The following DHX15 variants were observed in gnomAD, a reference collection of about 807,000 sequenced individuals.
The protein encoded by DHX15 is ATP-dependent RNA helicase DHX15.
A neutral mutation model predicts 94.4 loss-of-function variants in DHX15; 11 were observed. The observed-to-expected ratio is 0.12, with a 90% CI of 0.07 to 0.19. The LOEUF (loss-of-function observed/expected upper bound fraction) is 0.19, where lower values mean the gene tolerates loss of function less well. DHX15 is among the 10% of genes least tolerant of loss of function. DHX15 has a pLI of 1.00. For missense variants in DHX15, 304 were observed against 988.5 expected, an observed-to-expected ratio of 0.31 and a Z score of 9.29; for synonymous variants, 338 against 329.9, an observed-to-expected ratio of 1.02 and a Z score of -0.27.
chr4:24,564,065 TCAAA>T (rs1560772275), intron 3 of DHX15, among the ~76,000 whole-genome samples: 1 of 22,458 alleles, frequency 4.5e-5, no homozygotes. Flanking sequence ...AGACTCCGTC[TCAAA>T]AAAAAAAAAA....
At chr4:24,538,871 T>C (rs1366452339) in intron 10 of DHX15, 1 of 152,104 alleles carries the variant, frequency 6.6e-6, no homozygotes, top group African/African-American at 2.4e-5. Context: ...TAAGAGAACC[T>C]AGAGAAATAA....
At chr4:24,531,949 G>A (rs182162121) in intron 12 of DHX15, among the ~76,000 whole-genome samples, 166 of 152,258 alleles carry the variant, frequency 1.1e-3, no homozygotes, top group African/African-American at 3.9e-3. Flanking sequence ...GAAACTGAGT[G>A]TCCTCAGGCT....
intron 3 of DHX15, chr4:24,563,212 GT>G (rs1721920562): frequency 6.6e-6 from 1 of 151,974 alleles, no homozygotes; most frequent in Non-Finnish European, 1.5e-5. Context: ...GCCTTGCTAT[GT>G]TGCCCAGGCT....
chr4:24,541,535 C>T (rs1402437462), intron 8 of DHX15, among the ~76,000 whole-genome samples: 1 of 151,964 alleles, frequency 6.6e-6, no homozygotes, highest in African/African-American at 2.4e-5. Context: ...AAAGTTGAAA[C>T]CTAGTAACAA....
intron 2 of DHX15, among the ~76,000 whole-genome samples, chr4:24,573,410 G>A (rs571594899): frequency 1.2e-4 from 18 of 152,146 alleles, no homozygotes; most frequent in African/African-American, 4.3e-4. Context: ...TAGAGCTAAC[G>A]GTCATTTCCA....
At chr4:24,533,633 T>G (rs1399300517) in intron 11 of DHX15, 2 of 153,988 alleles carry the variant, frequency 1.3e-5, no homozygotes, top group Non-Finnish European at 2.9e-5. Context: ...GTCTAAGCAC[T>G]TCAAGTAATT....
chr4:24,549,049 C>T (rs1721528145), intron 5 of DHX15, 27 bp from the exon 6 acceptor site: 5 of 1,582,228 alleles, frequency 3.2e-6, no homozygotes, highest in Non-Finnish European at 1.7e-6. Flanking sequence ...AGTCTAAAAA[C>T]GAATACTGAA....
Position 24,527,932 on chromosome 4 carries a change from G to C in DHX15, c.2380C>G (p.Gln794Glu), listed in dbSNP as rs767818074. ...IAKLQSKEYSQY is the reference protein window; with the variant it reads ...IAKLQSKEYSEY ...AGTTCTAAGCACTGAATTCAGTACT[G>C]TGAATATTCCTTGGATTGAAGTTTG... Residue 794 changes from glutamine (Q) to glutamate (E), a missense_variant, in exon 14 of 14, where the codon CAG becomes GAG. This residue lies in a region of DHX15 where 14 missense variants were observed against 17.3 expected (regional missense o/e 0.81). Transcript: ENST00000336812. The C allele has an allele frequency of 1.2e-5, 19 of 1,609,212 alleles. No homozygotes were observed. Among genetic ancestry groups the C allele is most frequent in the Non-Finnish European group, 1.6e-5 (19 of 1,175,724 alleles).
intron 1 of DHX15, among the ~76,000 whole-genome samples, chr4:24,579,242 A>G (rs550359961): frequency 6.6e-6 from 1 of 152,350 alleles, no homozygotes; most frequent in African/African-American, 2.4e-5. Flanking sequence ...GTAAGAAAAC[A>G]GGGAGGATGC....
At chr4:24,565,860 A>G (rs1721980806) in intron 3 of DHX15, among the ~76,000 whole-genome samples, 1 of 152,156 alleles carries the variant, frequency 6.6e-6, no homozygotes, top group African/African-American at 2.4e-5. Flanking sequence ...TGATCTCAGA[A>G]CAACCCTATC....
rs150434662 is a variant in DHX15 at position 24,527,967 on chromosome 4, C to T, written c.2345G>A (p.Arg782His). The T allele has an allele frequency of 1.9e-6, 3 of 1,613,800 alleles. No homozygotes were observed. Among genetic ancestry groups the T allele is most frequent in the Non-Finnish European group, 8.5e-7 (1 of 1,179,776 alleles). Residue 782 changes from arginine (R) to histidine (H), a missense_variant, in exon 14 of 14, where the codon CGC becomes CAC. By Grantham distance (29) the Arg-to-His change is conservative (BLOSUM62 0). This residue lies in a region of DHX15 where 14 missense variants were observed against 17.3 expected (regional missense o/e 0.81). Coordinates refer to ENST00000336812, the MANE Select transcript of DHX15 (RefSeq NM_001358.3). ...PQCEAKRQLDRIIAKLQSKEY... is the reference protein window; with the variant it reads ...PQCEAKRQLDHIIAKLQSKEY... ...CTTGGATTGAAGTTTGGCAATGATGCGGTCCAACTGTCTCTTTGCTTCACA... is the reference window on the plus strand; with the variant it reads ...CTTGGATTGAAGTTTGGCAATGATGTGGTCCAACTGTCTCTTTGCTTCACA...
chr4:24,570,033 T>G (rs994765561), intron 3 of DHX15, among the ~76,000 whole-genome samples: 16 of 152,230 alleles, frequency 1.1e-4, no homozygotes, highest in African/African-American at 3.6e-4. Flanking sequence ...CATCATCAGG[T>G]AGCATACATC....
chr4:24,550,110 A>AAAAAAAAC (rs1721558327), intron 5 of DHX15, among the ~76,000 whole-genome samples: 1 of 147,112 alleles, frequency 6.8e-6, no homozygotes, highest in African/African-American at 2.5e-5. Context: ...AAAAAAAAAA[A>AAAAAAAAC]AAAAAAAAAA....
intron 5 of DHX15, among the ~76,000 whole-genome samples, chr4:24,550,118 A>AAAAAAAAAAAAAAAAAG (rs1560766877): frequency 6.9e-6 from 1 of 145,190 alleles, no homozygotes; most frequent in Non-Finnish European, 1.5e-5. Context: ...AAAAAAAAAA[A>AAAAAAAAAAAAAAAAAG]AAAAACGGTA....
intron 3 of DHX15, among the ~76,000 whole-genome samples, chr4:24,569,709 C>A (rs751280447): frequency 6.6e-6 from 1 of 151,522 alleles, no homozygotes; most frequent in Non-Finnish European, 1.5e-5. Context: ...GCCTACACAA[C>A]GCTCCAAAAT....
At chr4:24,546,591 A>G (rs1318588572) in intron 6 of DHX15, among the ~76,000 whole-genome samples, 1 of 152,252 alleles carries the variant, frequency 6.6e-6, no homozygotes, top group Admixed American at 6.5e-5. Flanking sequence ...TTACCCTCAT[A>G]TAAATATATG....
chr4:24,549,346 C>T (rs762864298), intron 5 of DHX15, among the ~76,000 whole-genome samples: 2 of 152,140 alleles, frequency 1.3e-5, no homozygotes, highest in Non-Finnish European at 2.9e-5. Flanking sequence ...TATTTAAATG[C>T]ACTCACGACC....
Position 24,576,399 on chromosome 4 carries a change from C to T in DHX15, c.351G>A (p.Pro117=), listed in dbSNP as rs759721097. Residue 117 remains proline, a synonymous_variant, in exon 2 of 14, where the codon CCG becomes CCA. Coordinates refer to ENST00000336812, the MANE Select transcript of DHX15 (RefSeq NM_001358.3). ...GAGGAGTATGGGGTAAGTTGGTGAA[C>T]GGATTAATGCACTGTGGAAGTGACG... The part of the protein sequence containing the change: ...GHTSLPQCIN[P]FTNLPHTPRY... 5.6e-5 allele frequency: 90 copies of T among 1,614,092 alleles called. No homozygotes were observed. In the South Asian group the frequency reaches 7.1e-4, roughly 13 times the overall value.
rs940061058 is a variant in DHX15 at position 24,533,070 on chromosome 4, G to A, written c.1910-16C>T. ...GATTCATGATCTAAAAAGGTAGAAG[G>A]CGGGGAGAAAAGAAGGCACCATGAA... On this transcript the variant is annotated splice_polypyrimidine_tract_variant and intron_variant, in intron 11 of 13. Coordinates refer to ENST00000336812, the MANE Select transcript of DHX15 (RefSeq NM_001358.3). 1 of 1,610,932 alleles carries A rather than the reference G, an allele frequency of 6.2e-7. No individual in the cohort carries two copies. The highest frequency in any genetic ancestry group is 1.7e-5 in the Admixed American group (1 of 59,996).
Sources: allele counts gnomAD v4.1 joint callset (sites outside exome capture counted in the v4.1 genomes callset), GRCh38; gene constraint gnomAD v4.1.1; regional missense constraint gnomAD v4.1.1; transcripts MANE v1.5; gene names NCBI Gene and HGNC (gene_info 2026-07-23, HGNC 2026-07-21).